The following ZNF667 variants were observed in gnomAD, a reference collection of about 807,000 sequenced individuals.
ZNF667 encodes the protein myocardial ischemic preconditioning upregulated 1 ortholog.
Under a neutral mutation model 31.8 loss-of-function variants are expected in ZNF667, and 13 were observed. The observed-to-expected ratio is 0.41, with a 90% CI of 0.27 to 0.65. The LOEUF (loss-of-function observed/expected upper bound fraction) is 0.65. Among genes scored for constraint, ZNF667 ranks in the 30% least tolerant of loss-of-function variants. ZNF667 has a pLI of 0.32. For missense variants in ZNF667, 642 were observed against 725.6 expected (o/e 0.88, Z 1.32); for synonymous variants, 228 against 247.1 (o/e 0.92, Z 0.73).
chr19:56,452,599 C>T (rs1344451744), intron 6 of ZNF667, among the ~76,000 whole-genome samples: 4 of 151,974 alleles, frequency 2.6e-5, no homozygotes, highest in African/African-American at 9.6e-5. Context: ...AGGATCAGAG[C>T]AGAAAGAAAT....
At chr19:56,474,164 T>C (rs141035235) in intron 1 of ZNF667, 40 bp from the exon 2 acceptor site, 3 of 152,376 alleles carry the variant, frequency 2.0e-5, no homozygotes, top group Admixed American at 6.5e-5. Context: ...TGAACCGTGG[T>C]TGTGCCTCCC....
chr19:56,470,476 CG>C (rs1354800877), intron 3 of ZNF667, among the ~76,000 whole-genome samples: 1 of 152,102 alleles, frequency 6.6e-6, no homozygotes, highest in Non-Finnish European at 1.5e-5. Flanking sequence ...TCTTCCATCG[CG>C]GGGATGAGAG....
At chr19:56,473,441 CTAACAGCCCATCAATAGG>C (rs2043335526) in intron 2 of ZNF667, among the ~76,000 whole-genome samples, 1 of 152,158 alleles carries the variant, frequency 6.6e-6, no homozygotes. Flanking sequence ...TGGAAACAAC[CTAACAGCCCATCAATAGG>C]AGAATGGCTA....
In ZNF667 at chr19:56,477,337, T is replaced by C. The variant is rs1302651972; in HGVS notation, c.-727A>G. The C allele has an allele frequency of 6.7e-6, 1 of 150,256 alleles. No homozygotes were observed. The highest frequency in any genetic ancestry group is 1.5e-5 in the Non-Finnish European group (1 of 67,616). The allele number at this position is 150,256 out of a possible 1,614,324, so 9.3% of individuals were successfully genotyped here. A position where few individuals can be genotyped will look rare whatever the true frequency, so the allele number is the denominator to read the frequency against. ...GACAGCCGAGCAGGGACTCAGCGCC[T>C]GCGCACTCCCCTCCGGGACCCCGGG... On this transcript the variant is annotated 5_prime_UTR_variant, in exon 1 of 7. Transcript: ENST00000504904.
In ZNF667 at chr19:56,441,890, G is replaced by T. The variant is rs760367829; in HGVS notation, c.1105C>A (p.Arg369=). The T allele has an allele frequency of 3.1e-6, 5 of 1,614,150 alleles. No homozygotes were observed. The highest frequency in any genetic ancestry group is 4.2e-6 in the Non-Finnish European group (5 of 1,180,034). The change falls in exon 7 of 7, where the codon CGG becomes AGG. Residue 369 remains arginine (R), a synonymous_variant. Coordinates refer to ENST00000504904, the MANE Select transcript of ZNF667 (RefSeq NM_001321356.2). This position sits in a 1 kb window ranked among gnomAD's most constrained non-coding sequence, Gnocchi z 4.2. ...AGATGCAGAATAAGGGTTGAAAGCC[G>T]CCTGAAGAACTTGTCACATTTATCA... is the stretch of plus-strand genomic sequence containing the variant. ...KCDKCDKFFR[R]LSTLILHLRI...
chr19:56,459,381 A>G (rs4801321), intron 5 of ZNF667, among the ~76,000 whole-genome samples: 126,876 of 152,068 alleles, frequency 0.83, 53,172 homozygotes, highest in East Asian at 0.92. Context: ...CTGCTTCACC[A>G]GCTGCTTCCT....
intron 3 of ZNF667, chr19:56,469,897 A>G: frequency 2.1e-6 from 1 of 481,446 alleles, no homozygotes; most frequent in Non-Finnish European, 4.2e-6. Flanking sequence ...ACACTTTTTC[A>G]AGGAGCCTTC....
At chr19:56,471,117 AG>A (rs1187988479) in intron 3 of ZNF667, among the ~76,000 whole-genome samples, 4 of 152,050 alleles carry the variant, frequency 2.6e-5, no homozygotes, top group African/African-American at 9.6e-5. Flanking sequence ...CCGTGATAAG[AG>A]TTCTCACGAG....
At chr19:56,465,370 C>T (rs1205878990) in intron 3 of ZNF667, among the ~76,000 whole-genome samples, 1 of 152,178 alleles carries the variant, frequency 6.6e-6, no homozygotes, top group Non-Finnish European at 1.5e-5. Context: ...AAACATGGAT[C>T]CTAAGATGGC....
chr19:56,459,107 T>C (rs2042992051), intron 5 of ZNF667, among the ~76,000 whole-genome samples: 1 of 152,072 alleles, frequency 6.6e-6, no homozygotes, highest in African/African-American at 2.4e-5. Flanking sequence ...AACTGTTTGG[T>C]GTGTGTGGGA....
chr19:56,467,208 T>C (rs2043181998), intron 3 of ZNF667: 2 of 363,138 alleles, frequency 5.5e-6, no homozygotes, highest in East Asian at 7.5e-5. Context: ...GGGGGGGAAA[T>C]GAGGGCACTG....
intron 3 of ZNF667, among the ~76,000 whole-genome samples, chr19:56,466,783 A>ACATCAAT (rs1211706719): frequency 1.3e-5 from 2 of 152,222 alleles, no homozygotes; most frequent in Non-Finnish European, 2.9e-5. Flanking sequence ...CTCAGAGATA[A>ACATCAAT]CATCAATGAC....
intron 3 of ZNF667, 104 bp from the exon 4 acceptor site, chr19:56,462,533 GCA>G (rs147246257): frequency 2.5e-3 from 1,700 of 691,258 alleles, no homozygotes; most frequent in Middle Eastern, 3.5e-3. Context: ...ATATGCACGT[GCA>G]CACACACACA....
rs376504755 is a variant in ZNF667 at position 56,441,634 on chromosome 19, C to T, written c.1361G>A (p.Arg454His). ...KCNKCSKVFG[R>H]QSFLIEHQRI... The stretch of plus-strand genomic sequence containing the variant: ...TTGATGTTCAATAAGAAATGATTGG[C>T]GGCCGAAAACTTTACTACATTTATT... Residue 454 changes from arginine to histidine, a missense_variant, in exon 7 of 7, where the codon CGC (arginine) becomes CAC (histidine). Transcript: ENST00000504904. The surrounding 1 kb of genome is among the most constrained non-coding windows in gnomAD (Gnocchi z 4.2). The T allele has an allele frequency of 1.7e-5, 28 of 1,613,788 alleles. No homozygotes were observed. The highest frequency in any genetic ancestry group is 2.7e-5 in the African/African-American group (2 of 74,872).
At chr19:56,454,675 T>TA (rs149037412) in intron 6 of ZNF667, among the ~76,000 whole-genome samples, 1,188 of 66,876 alleles carry the variant, frequency 0.018, 98 homozygotes, top group African/African-American at 0.048. Context: ...AAAAATCAAA[T>TA]AAAAATGGAT....
chr19:56,472,361 T>C (rs1365644899), intron 2 of ZNF667, 174 bp from the exon 3 acceptor site: 1 of 152,234 alleles, frequency 6.6e-6, no homozygotes, highest in Non-Finnish European at 1.5e-5. Context: ...ATGTCTTCGG[T>C]AACTGGAACA....
intron 4 of ZNF667, among the ~76,000 whole-genome samples, chr19:56,461,144 A>G (rs1416684847): frequency 6.6e-6 from 1 of 152,198 alleles, no homozygotes; most frequent in Non-Finnish European, 1.5e-5. Context: ...AGGCACTGTC[A>G]GCGGAATCAC....
chr19:56,459,394 C>T (rs2042997859), intron 5 of ZNF667, among the ~76,000 whole-genome samples: 1 of 152,104 alleles, frequency 6.6e-6, no homozygotes, highest in South Asian at 2.1e-4. Context: ...TGCTTCCTGT[C>T]AACATCCACC....
chr19:56,461,580 T>C (rs997614320), intron 4 of ZNF667, among the ~76,000 whole-genome samples: 100 of 152,172 alleles, frequency 6.6e-4, no homozygotes, highest in African/African-American at 2.0e-3. Context: ...AGCTAAACCA[T>C]GTTGTGCCTG....
Sources: gnomAD v4.1 joint callset for allele counts (sites outside exome capture counted in the v4.1 genomes callset) on GRCh38, gnomAD v4.1.1 for gene constraint, Gnocchi (gnomAD v3.1) non-coding constraint, MANE v1.5 for transcripts, NCBI Gene and HGNC (gene_info 2026-07-23, HGNC 2026-07-21) for gene names.